SGCD: variants seen among roughly 807,000 people sequenced by gnomAD.
SGCD encodes sarcoglycan delta, also known as delta-sarcoglycan.
A neutral mutation model predicts 36.6 loss-of-function variants in SGCD; 18 were observed. The ratio of observed to expected loss-of-function variants is 0.49; its 90% confidence interval spans 0.34 to 0.73. SGCD has a LOEUF of 0.73. Ranked by LOEUF, SGCD falls within the 30% of genes least tolerant of loss-of-function variation. The pLI is 0.01. For missense variants in SGCD, 387 were observed against 346.7 expected, an observed-to-expected ratio of 1.12 and a Z score of -0.92; for synonymous variants, 133 against 130.6, an observed-to-expected ratio of 1.02 and a Z score of -0.12.
At chr5:156,641,059 CTTTGGTTAAACA>C (rs1415566023) in intron 6 of SGCD, among the ~76,000 whole-genome samples, 2 of 152,194 alleles carry the variant, frequency 1.3e-5, no homozygotes, top group African/African-American at 4.8e-5. Flanking sequence ...CATTTTAAAT[CTTTGGTTAAACA>C]TAACGCAACT....
rs1286913922 is a variant in SGCD at position 156,055,969 on chromosome 5, T to TTA, written c.-281-61899_-281-61898dup. ...CTAAAACTTACAAAATGTGTTAGAA[T>TTA]TATATATATATTTAAAGCTAAAGGA... On this transcript the variant is annotated intron_variant, in intron 1 of 9. Transcript: ENST00000517913. 3.4e-5 allele frequency among the ~76,000 whole-genome samples: 5 copies of TTA among 146,160 alleles called. 1 individual carries two copies. Among genetic ancestry groups the TTA allele is most frequent in the African/African-American group, 1.2e-4 (5 of 40,598 alleles).
the SGCD span, among the ~76,000 whole-genome samples, chr5:155,768,519 A>G: frequency 6.6e-6 from 1 of 152,100 alleles, no homozygotes; most frequent in Admixed American, 6.6e-5. Context: ...AGAAGTGCTA[A>G]ATTGAGGTGT....
At chr5:155,905,777 C>A (rs1756494891) in intron 1 of SGCD, among the ~76,000 whole-genome samples, 1 of 152,042 alleles carries the variant, frequency 6.6e-6, no homozygotes, top group Non-Finnish European at 1.5e-5. Flanking sequence ...TCAGGGGTTT[C>A]TGCTTTTGCT....
chr5:156,498,494 G>C (rs532939913), intron 3 of SGCD, among the ~76,000 whole-genome samples: 115 of 152,164 alleles, frequency 7.6e-4, no homozygotes, highest in Middle Eastern at 3.4e-3. Flanking sequence ...TTTCATTTCT[G>C]GACAATACAT....
At chr5:156,605,510 C>T (rs114938270) in intron 6 of SGCD, among the ~76,000 whole-genome samples, 4,345 of 152,254 alleles carry the variant, frequency 0.029, 80 homozygotes, top group Non-Finnish European at 0.043. Context: ...AATAAAAATA[C>T]GTCTGCATGT....
At chr5:155,849,576 A>C in the SGCD span, among the ~76,000 whole-genome samples, 1 of 152,188 alleles carries the variant, frequency 6.6e-6, no homozygotes, top group Non-Finnish European at 1.5e-5. Context: ...TTTCTCGTGT[A>C]AGTTTTTGGA....
chr5:156,542,990 A>C (rs1758408821), intron 4 of SGCD, among the ~76,000 whole-genome samples: 1 of 152,186 alleles, frequency 6.6e-6, no homozygotes, highest in Non-Finnish European at 1.5e-5. Context: ...CTAAGATATA[A>C]CAAAAACACA....
At chr5:155,927,173 G>A (rs1013265827) in intron 1 of SGCD, among the ~76,000 whole-genome samples, 5 of 152,092 alleles carry the variant, frequency 3.3e-5, no homozygotes, top group Non-Finnish European at 7.3e-5. Flanking sequence ...CATTTCTAAC[G>A]GTCATAGAGA....
At chr5:156,210,570 G>A (rs934237052) in intron 3 of SGCD, among the ~76,000 whole-genome samples, 1 of 151,330 alleles carries the variant, frequency 6.6e-6, no homozygotes, top group Non-Finnish European at 1.5e-5. Flanking sequence ...ATGAAATCAA[G>A]AAAAGAATAA....
intron 3 of SGCD, among the ~76,000 whole-genome samples, chr5:156,362,682 G>A (rs115500576): frequency 0.018 from 2,673 of 152,170 alleles, 34 homozygotes; most frequent in African/African-American, 0.03. Context: ...ATTCCATAGT[G>A]TGACTACTGT....
At chr5:156,043,588 G>T (rs1759689266) in intron 1 of SGCD, among the ~76,000 whole-genome samples, 1 of 152,108 alleles carries the variant, frequency 6.6e-6, no homozygotes, top group African/African-American at 2.4e-5. Context: ...CAGTTTTACT[G>T]CTTGGAAAAA....
At chr5:156,290,410 A>G (rs1055437931) in intron 3 of SGCD, among the ~76,000 whole-genome samples, 7 of 152,154 alleles carry the variant, frequency 4.6e-5, no homozygotes, top group African/African-American at 1.7e-4. Context: ...TCAAGAAATA[A>G]GGAAGATTGC....
intron 3 of SGCD, among the ~76,000 whole-genome samples, chr5:156,350,062 A>C (rs1769158945): frequency 6.6e-6 from 1 of 151,392 alleles, no homozygotes; most frequent in African/African-American, 2.4e-5. Flanking sequence ...GAGTGGTATA[A>C]TGGACATTGG....
chr5:156,763,556 T>C lies in SGCD; in HGVS notation c.*4166T>C, dbSNP rs55653598. On this transcript the variant is annotated 3_prime_UTR_variant, in exon 9 of 9. Transcript: ENST00000337851. ...GAATCTGGGTCTTCATTCTCTGGTG[T>C]AGAAGGAATGCAAAAAACTATAACA... The C allele has an allele frequency of 0.067, 10,172 of 152,244 alleles. 475 individuals are homozygous for C. The highest frequency in any genetic ancestry group is 0.13 in the African/African-American group (5,358 of 41,482). The allele number at this position is 152,244 out of a possible 1,614,324, so 9.4% of individuals were successfully genotyped here.
At chr5:156,176,908 C>T (rs1298034585) in intron 3 of SGCD, among the ~76,000 whole-genome samples, 1 of 152,076 alleles carries the variant, frequency 6.6e-6, no homozygotes, top group Non-Finnish European at 1.5e-5. Flanking sequence ...ACATAGGGAC[C>T]CCTAGTTTTT....
chr5:155,959,215 A>G (rs565037364), intron 1 of SGCD, among the ~76,000 whole-genome samples: 24 of 152,048 alleles, frequency 1.6e-4, no homozygotes, highest in Non-Finnish European at 3.1e-4. Flanking sequence ...AGCCGTCCAC[A>G]CTCACCTGCA....
chr5:156,656,977 G>A (rs1561841529), intron 7 of SGCD, among the ~76,000 whole-genome samples: 2 of 152,154 alleles, frequency 1.3e-5, no homozygotes, highest in African/African-American at 4.8e-5. Context: ...TAAAGTCTGT[G>A]TGTATCATTG....
intron 1 of SGCD, among the ~76,000 whole-genome samples, chr5:155,901,770 T>C (rs996916848): frequency 2.0e-5 from 3 of 152,208 alleles, no homozygotes; most frequent in Non-Finnish European, 4.4e-5. Context: ...ACATTTGTAT[T>C]GCACTTATAT....
rs184264906 is a variant in SGCD, at chr5:156,436,322, C to T, written c.193-72279C>T. Among the ~76,000 whole-genome samples, 41 of 152,278 alleles carry T rather than the reference C, an allele frequency of 2.7e-4. 1 individual carries two copies. Among genetic ancestry groups the T allele is most frequent in the African/African-American group, 9.6e-4 (40 of 41,574 alleles). On this transcript the variant is annotated intron_variant, in intron 3 of 8. Coordinates refer to ENST00000337851, the MANE Select transcript of SGCD (RefSeq NM_000337.6). Reference sequence around the variant, plus strand: ...CAGCTAGCTGAAACATGGATAGGCCCACAGAAAGTGCTCAAGATGTATTTG... The same window carrying T: ...CAGCTAGCTGAAACATGGATAGGCCTACAGAAAGTGCTCAAGATGTATTTG...
Sources: allele counts gnomAD v4.1 joint callset (sites outside exome capture counted in the v4.1 genomes callset), GRCh38; gene constraint gnomAD v4.1.1; transcripts MANE v1.5; gene names NCBI Gene and HGNC (gene_info 2026-07-23, HGNC 2026-07-21).